The following RXFP1 variants were observed in gnomAD, a reference collection of about 807,000 sequenced individuals.
The protein encoded by RXFP1 is relaxin family peptide receptor 1.
A neutral mutation model predicts 89.8 loss-of-function variants in RXFP1; 73 were observed. That is an observed-to-expected ratio of 0.81 (90% confidence interval 0.67 to 0.99). The LOEUF is 0.99. Ranked by LOEUF, RXFP1 falls within the 50% of genes least tolerant of loss-of-function variation. The probability of loss-of-function intolerance (pLI) is 0.00; values close to 1 mark genes in which losing one functional copy is unlikely to be tolerated. For missense variants in RXFP1, 793 were observed against 895.5 expected, an observed-to-expected ratio of 0.89 and a Z score of 1.46; for synonymous variants, 277 against 305.5, an observed-to-expected ratio of 0.91 and a Z score of 0.97.
At chr4:158,640,274 T>C (rs1446884599) in intron 14 of RXFP1, among the ~76,000 whole-genome samples, 1 of 152,210 alleles carries the variant, frequency 6.6e-6, no homozygotes, top group African/African-American at 2.4e-5. Context: ...TTCACAGATA[T>C]TGATGTTTGC....
chr4:158,596,811 A>G (rs564454625), intron 3 of RXFP1, among the ~76,000 whole-genome samples: 30 of 152,328 alleles, frequency 2.0e-4, no homozygotes, highest in South Asian at 1.7e-3. Flanking sequence ...AGAGAAAATA[A>G]TGGGTTACAT....
chr4:158,596,988 A>AT (rs1010318772), intron 3 of RXFP1, among the ~76,000 whole-genome samples: 1 of 152,156 alleles, frequency 6.6e-6, no homozygotes, highest in Non-Finnish European at 1.5e-5. Flanking sequence ...AAAAAAAGTA[A>AT]TTTTTTTCAT....
chr4:158,584,520 C>T (rs967282597), intron 2 of RXFP1, among the ~76,000 whole-genome samples: 1 of 152,146 alleles, frequency 6.6e-6, no homozygotes, highest in Non-Finnish European at 1.5e-5. Context: ...AGCATGTACA[C>T]TTATTAAACT....
intron 1 of RXFP1, among the ~76,000 whole-genome samples, chr4:158,541,285 T>C (rs1185340722): frequency 1.3e-5 from 2 of 151,460 alleles, no homozygotes. Flanking sequence ...TAAAATCTCA[T>C]AAATAATATT....
At chr4:158,627,555 T>A (rs1169495184) in intron 10 of RXFP1, among the ~76,000 whole-genome samples, 1 of 145,374 alleles carries the variant, frequency 6.9e-6, no homozygotes, top group African/African-American at 2.7e-5. Context: ...GTGTGTTTTA[T>A]GATCCAATAT....
chr4:158,636,185 G>GT (rs752156039), intron 12 of RXFP1, among the ~76,000 whole-genome samples: 1 of 152,078 alleles, frequency 6.6e-6, no homozygotes, highest in Non-Finnish European at 1.5e-5. Flanking sequence ...GAGCCCAGGA[G>GT]TTTGAGTACA....
rs532313042 is a variant in RXFP1 at position 158,581,949 on chromosome 4, A to G, written c.187+9114A>G. On this transcript the variant is annotated intron_variant, in intron 2 of 17. Transcript: ENST00000307765. ...GGGAGCCAGTGTGTGCAAAGATTACATAGCGAGAGAGGAAGCAAGAGAGAG... is the reference window on the plus strand; with the variant it reads ...GGGAGCCAGTGTGTGCAAAGATTACGTAGCGAGAGAGGAAGCAAGAGAGAG... Among the ~76,000 whole-genome samples the G allele has an allele frequency of 2.3e-3, 354 of 152,328 alleles. 1 individual carries two copies. The highest frequency in any genetic ancestry group is 3.9e-3 in the Non-Finnish European group (268 of 68,032).
chr4:158,581,448 A>G (rs1315551819), intron 2 of RXFP1, among the ~76,000 whole-genome samples: 2 of 152,216 alleles, frequency 1.3e-5, no homozygotes, highest in Non-Finnish European at 2.9e-5. Context: ...AGGGCCTTCA[A>G]ACAAATCTCT....
rs762506893 is a variant in RXFP1, at chr4:158,626,879, A to C, written c.815A>C (p.Asn272Thr). The change falls in exon 10 of 18, where the codon AAT (asparagine) becomes ACT (threonine). Residue 272 changes from asparagine to threonine, a missense_variant. Asn to Thr is a moderately conservative substitution (Grantham distance 65, BLOSUM62 0). Coordinates refer to ENST00000307765, the MANE Select transcript of RXFP1 (RefSeq NM_021634.4). ...AATTTGACTTTTATTTCCTGCAGTA[A>C]TTTAACTGTTTTGTAAGTAATATGC... ...LRNLTFISCSNLTVLVMRKNK... is the reference protein window; with the variant it reads ...LRNLTFISCSTLTVLVMRKNK... 6.6e-7 allele frequency: 1 copy of C among 1,515,758 alleles called. No homozygotes were observed. Among genetic ancestry groups the C allele is most frequent in the Non-Finnish European group, 9.0e-7 (1 of 1,108,484 alleles). The allele number at this position is 1,515,758 out of a possible 1,614,324, so 93.9% of individuals were successfully genotyped here. A position where few individuals can be genotyped will look rare whatever the true frequency, so the allele number is the denominator to read the frequency against.
chr4:158,644,600 G>A (rs765639693), intron 14 of RXFP1, among the ~76,000 whole-genome samples: 2 of 151,998 alleles, frequency 1.3e-5, no homozygotes, highest in Non-Finnish European at 2.9e-5. Context: ...TTGCGAGTAC[G>A]ATAACGGTTT....
chr4:158,611,350 AG>A, intron 6 of RXFP1, among the ~76,000 whole-genome samples: 1 of 152,314 alleles, frequency 6.6e-6, no homozygotes, highest in African/African-American at 2.4e-5. Flanking sequence ...TAGAACAAAG[AG>A]TTATTTCACT....
At chr4:158,583,712 T>C (rs1013404269) in intron 2 of RXFP1, among the ~76,000 whole-genome samples, 6 of 152,216 alleles carry the variant, frequency 3.9e-5, no homozygotes, top group African/African-American at 1.4e-4. Flanking sequence ...AATTTGTTTA[T>C]TTGTGTTTTA....
At chr4:158,640,305 G>A (rs1000377289) in intron 14 of RXFP1, among the ~76,000 whole-genome samples, 1 of 152,180 alleles carries the variant, frequency 6.6e-6, no homozygotes, top group African/African-American at 2.4e-5. Context: ...AGTAATTGGT[G>A]TATAGGGTGT....
chr4:158,566,894 G>A (rs1388893894), intron 1 of RXFP1, among the ~76,000 whole-genome samples: 1 of 152,208 alleles, frequency 6.6e-6, no homozygotes, highest in Non-Finnish European at 1.5e-5. Context: ...CCCCTTTCTG[G>A]GCTGGCCAAG....
At chr4:158,636,147 T>C (rs541366229) in intron 12 of RXFP1, among the ~76,000 whole-genome samples, 1 of 152,252 alleles carries the variant, frequency 6.6e-6, no homozygotes, top group East Asian at 1.9e-4. Context: ...TCCCAGTGAG[T>C]TGAGAAGCTG....
In RXFP1 at chr4:158,648,653, T is replaced by C. The variant is rs888992531; in HGVS notation, c.1911T>C (p.Asp637=). The change falls in exon 17 of 18, where the codon GAT becomes GAC. Residue 637 remains aspartate, a synonymous_variant. Transcript: ENST00000307765. ...AKRFFFIVFT[D]ALCWIPIFVV... The stretch of plus-strand genomic sequence containing the variant: ...GTTTTTTCTTTATAGTATTTACTGA[T>C]GCATTATGCTGGATACCCATTTTTG... The C allele has an allele frequency of 6.2e-7, 1 of 1,612,842 alleles. No homozygotes were observed. Among genetic ancestry groups the C allele is most frequent in the African/African-American group, 1.3e-5 (1 of 74,912 alleles).
At chr4:158,569,369 G>A (rs1338081711) in intron 1 of RXFP1, among the ~76,000 whole-genome samples, 2 of 152,130 alleles carry the variant, frequency 1.3e-5, no homozygotes, top group African/African-American at 2.4e-5. Flanking sequence ...TTATACATTT[G>A]TCCAAACCCA....
intron 1 of RXFP1, among the ~76,000 whole-genome samples, chr4:158,532,726 T>C (rs1476984524): frequency 6.6e-6 from 1 of 152,122 alleles, no homozygotes; most frequent in Non-Finnish European, 1.5e-5. Flanking sequence ...CTCATAGCCT[T>C]CTCAGGAGAG....
At chr4:158,623,186 T>C (rs1318336108) in intron 9 of RXFP1, among the ~76,000 whole-genome samples, 1 of 151,734 alleles carries the variant, frequency 6.6e-6, no homozygotes, top group Non-Finnish European at 1.5e-5. Flanking sequence ...AATGTAGACA[T>C]ACATAAGCAG....
Sources: gnomAD v4.1 joint callset for allele counts (sites outside exome capture counted in the v4.1 genomes callset) on GRCh38, gnomAD v4.1.1 for gene constraint, MANE v1.5 for transcripts, NCBI Gene and HGNC (gene_info 2026-07-23, HGNC 2026-07-21) for gene names.